SBF2: variants seen among roughly 807,000 people sequenced by gnomAD.
SBF2 encodes myotubularin-related protein 13.
Under a neutral mutation model 225.2 loss-of-function variants are expected in SBF2, and 112 were observed. The observed-to-expected ratio is 0.50, with a 90% CI of 0.43 to 0.58. The LOEUF is 0.58. Among genes scored for constraint, SBF2 ranks in the 20% least tolerant of loss-of-function variants. SBF2 has a pLI of 0.00. For missense variants in SBF2, 1,996 were observed against 2,206.2 expected (o/e 0.90, Z 1.91); for synonymous variants, 763 against 773.3 (o/e 0.99, Z 0.22).
At chr11:10,006,130 A>G (rs560073446) in intron 6 of SBF2, among the ~76,000 whole-genome samples, 78 of 152,150 alleles carry the variant, frequency 5.1e-4, no homozygotes, top group Non-Finnish European at 8.2e-4. Context: ...CTCTGTATGT[A>G]TTCTGAAATG....
At chr11:9,869,931 C>T (rs1858580730) in intron 17 of SBF2, among the ~76,000 whole-genome samples, 1 of 152,168 alleles carries the variant, frequency 6.6e-6, no homozygotes, top group South Asian at 2.1e-4. Context: ...TTGCTGATGG[C>T]ATGGTCCTAT....
In SBF2 at chr11:9,839,550, G is replaced by A; in HGVS notation, c.3403C>T (p.Pro1135Ser). Residue 1135 changes from proline to serine, a missense_variant, in exon 26 of 40, where the codon CCC becomes TCC. Transcript: ENST00000256190. ...TISGSSSRSR[P>S]EYFRITASNR... ...GAGGCAGTAATTCTAAAATACTCGG[G>A]TCTTGAACGGGAAGAGCTGCCACTT... 6.2e-7 allele frequency: 1 copy of A among 1,614,160 alleles called. No individual in the cohort carries two copies. The highest frequency in any genetic ancestry group is 1.6e-4 in the Middle Eastern group (1 of 6,062).
At chr11:9,974,212 C>A (rs1400524291) in intron 13 of SBF2, among the ~76,000 whole-genome samples, 1 of 152,102 alleles carries the variant, frequency 6.6e-6, no homozygotes, top group Non-Finnish European at 1.5e-5. Flanking sequence ...AAGTAGATGA[C>A]TTTAATATTT....
chr11:9,902,655 G>A (rs1861810257), intron 16 of SBF2, among the ~76,000 whole-genome samples: 1 of 152,158 alleles, frequency 6.6e-6, no homozygotes, highest in Non-Finnish European at 1.5e-5. Context: ...CAGATAGAAA[G>A]TCTGAGATGT....
intron 2 of SBF2, among the ~76,000 whole-genome samples, chr11:10,051,789 T>C (rs1344390820): frequency 6.6e-6 from 1 of 151,984 alleles, no homozygotes; most frequent in Non-Finnish European, 1.5e-5. Flanking sequence ...TAACCTGCAG[T>C]TAAATGAGTC....
intron 12 of SBF2, among the ~76,000 whole-genome samples, chr11:9,989,832 A>T (rs1371643975): frequency 6.6e-6 from 1 of 152,184 alleles, no homozygotes; most frequent in African/African-American, 2.4e-5. Context: ...TCTAGGGAAA[A>T]GTCATTTCTG....
chr11:10,144,150 T>C lies in SBF2; in HGVS notation c.141+49752A>G, dbSNP rs146074477. Among the ~76,000 whole-genome samples, 580 of 152,314 alleles carry C rather than the reference T, an allele frequency of 3.8e-3. 4 individuals are homozygous for C. The highest frequency in any genetic ancestry group is 5.4e-3 in the South Asian group (26 of 4,822). On this transcript the variant is annotated intron_variant, in intron 2 of 39. Coordinates refer to ENST00000256190, the MANE Select transcript of SBF2 (RefSeq NM_030962.4). ...ATATTCAATACCATTACTTAATATA[T>C]GCACGTAGCCAAAATAATTTTTAGC...
chr11:10,190,195 T>TGG (rs1483356689), intron 2 of SBF2, among the ~76,000 whole-genome samples: 4 of 152,088 alleles, frequency 2.6e-5, no homozygotes, highest in Admixed American at 6.5e-5. Context: ...AATACAATTT[T>TGG]GCTTTAATTC....
chr11:9,812,877 G>A (rs1056008237), intron 29 of SBF2, 169 bp from the exon 30 acceptor site: 35 of 701,386 alleles, frequency 5.0e-5, no homozygotes, highest in Non-Finnish European at 8.2e-5. Flanking sequence ...AGTGTTGGTG[G>A]GAACAGCCAT....
At chr11:10,002,719 T>C in intron 6 of SBF2, 30 bp from the exon 7 acceptor site, 6 of 1,606,844 alleles carry the variant, frequency 3.7e-6, no homozygotes, top group Non-Finnish European at 5.1e-6. Context: ...GACTTACAAA[T>C]GCATTTAATT....
intron 2 of SBF2, among the ~76,000 whole-genome samples, chr11:10,192,645 C>A (rs1297742002): frequency 2.0e-5 from 3 of 152,078 alleles, no homozygotes; most frequent in African/African-American, 7.2e-5. Flanking sequence ...TTAATATAAT[C>A]ATTATCCTCA....
intron 2 of SBF2, among the ~76,000 whole-genome samples, chr11:10,122,312 T>C (rs186856938): frequency 6.6e-6 from 1 of 152,290 alleles, no homozygotes; most frequent in East Asian, 1.9e-4. Context: ...AAGACAGGAA[T>C]AAAAATGTAT....
Position 10,272,860 on chromosome 11 carries a change from C to A in SBF2, c.55+21155G>T, listed in dbSNP as rs554756509. Among the ~76,000 whole-genome samples the A allele has an allele frequency of 1.7e-4, 25 of 151,492 alleles. No homozygotes were observed. In the South Asian group the frequency reaches 4.6e-3, roughly 28 times the overall value. On this transcript the variant is annotated intron_variant, in intron 1 of 39. Transcript: ENST00000256190. ...CCCAGGTGGACAGATCACCTGAGGT[C>A]AAGAGTTCGAGAGAGCCTGGCCAAC...
chr11:10,301,204 CAG>C (rs771168078), intron 1 of SBF2, among the ~76,000 whole-genome samples: 1 of 152,190 alleles, frequency 6.6e-6, no homozygotes, highest in African/African-American at 2.4e-5. Flanking sequence ...AATATGGAAA[CAG>C]TGTTTTTTAT....
chr11:10,254,920 A>G (rs1960732971), intron 1 of SBF2, among the ~76,000 whole-genome samples: 1 of 145,648 alleles, frequency 6.9e-6, no homozygotes, highest in South Asian at 2.2e-4. Context: ...AAAAAAAAAA[A>G]AAAAAAAAAA....
intron 30 of SBF2, 103 bp downstream of exon 30, chr11:9,812,429 G>A: frequency 2.5e-6 from 3 of 1,212,996 alleles, no homozygotes; most frequent in Non-Finnish European, 3.6e-6. Flanking sequence ...GAATGTTGGG[G>A]AGTAGGGGAA....
chr11:9,944,261 A>G lies in SBF2; in HGVS notation c.1860+17696T>C, dbSNP rs538062993. On this transcript the variant is annotated intron_variant, in intron 16 of 39. Transcript: ENST00000256190. ...AGGACAGTGGTTCTAAAGGAGAGGAAGAGTGAAAGCAGTTGCAGTATAGCT... is the reference window on the plus strand; with the variant it reads ...AGGACAGTGGTTCTAAAGGAGAGGAGGAGTGAAAGCAGTTGCAGTATAGCT... 3.9e-5 allele frequency among the ~76,000 whole-genome samples: 6 copies of G among 152,358 alleles called. No homozygotes were observed. The East Asian group carries it at 5.8e-4, about 15-fold the overall frequency.
At chr11:10,026,572 C>CA (rs1382680367) in intron 6 of SBF2, among the ~76,000 whole-genome samples, 1 of 151,800 alleles carries the variant, frequency 6.6e-6, no homozygotes, top group Non-Finnish European at 1.5e-5. Flanking sequence ...CTCTATAAAA[C>CA]AAAAAAATTA....
rs116166002 is a variant in SBF2 at position 9,883,948 on chromosome 11, C to A, written c.1929+11995G>T. ...ACCAGTGTCTACTGGTGAAGTATGA[C>A]ATTAAGCTGTATTAGACATCATCAG... On this transcript the variant is annotated intron_variant, in intron 17 of 39. Transcript: ENST00000256190. Among the ~76,000 whole-genome samples, 956 of 152,254 alleles carry A rather than the reference C, an allele frequency of 6.3e-3. 8 individuals are homozygous for A. The highest frequency in any genetic ancestry group is 0.022 in the African/African-American group (913 of 41,534).
Sources: allele counts gnomAD v4.1 joint callset (sites outside exome capture counted in the v4.1 genomes callset), GRCh38; gene constraint gnomAD v4.1.1; transcripts MANE v1.5; gene names NCBI Gene and HGNC (gene_info 2026-07-23, HGNC 2026-07-21).